Variants in ANKMY1 observed in about 807,000 individuals in gnomAD.
ANKMY1 encodes the protein ankyrin repeat and MYND domain-containing protein 1.
ANKMY1 carries 98 observed loss-of-function variants against 102.0 expected under a neutral mutation model. The ratio of observed to expected loss-of-function variants is 0.96; its 90% CI spans 0.82 to 1.14. The LOEUF is 1.14. Among genes scored for constraint, ANKMY1 ranks in the 50% most tolerant of loss-of-function variants. The pLI is 0.00. For synonymous variants in ANKMY1, 582 were observed against 559.9 expected, an observed-to-expected ratio of 1.04 and a Z score of -0.56; for missense variants, 1,330 against 1,347.6, an observed-to-expected ratio of 0.99 and a Z score of 0.20.
chr2:240,542,662 A>G (rs2089232070), intron 4 of ANKMY1, among the ~76,000 whole-genome samples: 1 of 151,596 alleles, frequency 6.6e-6, no homozygotes, highest in Non-Finnish European at 1.5e-5. Flanking sequence ...GTTCCAAGGT[A>G]AGAGCTATTG....
At chr2:240,488,341 T>C (rs775481092) in intron 15 of ANKMY1, among the ~76,000 whole-genome samples, 4 of 152,212 alleles carry the variant, frequency 2.6e-5, no homozygotes, top group Non-Finnish European at 4.4e-5. Context: ...TGTCTATTTG[T>C]ACATCAGTAC....
Position 240,511,872 on chromosome 2 carries a change from C to A in ANKMY1, c.2275G>T (p.Asp759Tyr), listed in dbSNP as rs768821845. 3.8e-6 allele frequency: 6 copies of A among 1,589,408 alleles called. No homozygotes were observed. In the Admixed American group the frequency reaches 1.0e-4, roughly 27 times the overall value. The change falls in exon 11 of 18, where the codon GAT becomes TAT. Residue 759 changes from aspartate to tyrosine, a missense_variant. Coordinates refer to ENST00000401804, the MANE Select transcript of ANKMY1 (RefSeq NM_001282771.3). The part of the protein sequence containing the change: ...TALHMACERE[D>Y]DNKCARDIVR... ...CTGGCTGCCCTCACCTTGTTGTCAT[C>A]CTCCCGCTCGCAGGCCATGTGCAGA...
chr2:240,474,262 A>ATTTTT, the ANKMY1 span, among the ~76,000 whole-genome samples: 69 of 90,980 alleles, frequency 7.6e-4, 2 homozygotes, highest in Non-Finnish European at 1.2e-3. Context: ...TGCCTGGCTA[A>ATTTTT]TTTTTTTTTT....
rs1048321973 is a variant in ANKMY1, at chr2:240,499,694, G to A, written c.2806+264C>T. 5.9e-5 allele frequency among the ~76,000 whole-genome samples: 9 copies of A among 152,018 alleles called. No homozygotes were observed. The highest frequency in any genetic ancestry group is 1.9e-4 in the African/African-American group (8 of 41,354). ...AGCAGTGCCTAGTTCTCTCCTGGGC[G>A]TGGGGCCCCTCTGACCTGGGCCCTG... On this transcript the variant is annotated intron_variant, in intron 15 of 17. Coordinates refer to ENST00000401804, the MANE Select transcript of ANKMY1 (RefSeq NM_001282771.3). This position sits in a 1 kb window ranked among gnomAD's most constrained non-coding sequence, Gnocchi z 4.2.
chr2:240,529,453 G>C lies in ANKMY1; in HGVS notation c.537C>G (p.Gly179=), dbSNP rs1013105370. The C allele has an allele frequency of 2.5e-6, 4 of 1,614,108 alleles. No individual in the cohort carries two copies. The highest frequency in any genetic ancestry group is 3.4e-6 in the Non-Finnish European group (4 of 1,180,034). The change falls in exon 5 of 18, where the codon GGC becomes GGG. Residue 179 remains glycine, a synonymous_variant. Transcript: ENST00000401804. This position sits in a 1 kb window ranked among gnomAD's most constrained non-coding sequence, Gnocchi z 4.2. ...FGPGVETYPD[G]SQDVGLWFRE... is the part of the protein sequence containing the mutation. ...GGAACCACAGCCCCACGTCCTGGCT[G>C]CCATCGGGGTAGGTCTCGACACCTG...
intron 4 of ANKMY1, among the ~76,000 whole-genome samples, chr2:240,536,294 T>C (rs2086718035): frequency 2.0e-5 from 3 of 152,162 alleles, no homozygotes; most frequent in Non-Finnish European, 1.5e-5. Flanking sequence ...TTTTTTTCTT[T>C]TGGAAAAAAT....
chr2:240,480,278 C>T (rs572150187), intron 17 of ANKMY1, among the ~76,000 whole-genome samples: 29 of 152,318 alleles, frequency 1.9e-4, no homozygotes, highest in African/African-American at 7.0e-4. Context: ...GGGGCAGGGG[C>T]TTTCCCAGAC....
intron 15 of ANKMY1, among the ~76,000 whole-genome samples, chr2:240,487,829 A>G (rs1336329412): frequency 7.2e-5 from 11 of 151,814 alleles, no homozygotes; most frequent in Non-Finnish European, 5.9e-5. Context: ...TAATAGGATT[A>G]TTTTTTCCTG....
chr2:240,501,586 G>T (rs932839258), intron 13 of ANKMY1, among the ~76,000 whole-genome samples: 3 of 152,144 alleles, frequency 2.0e-5, no homozygotes, highest in Middle Eastern at 3.2e-3. Context: ...CAGAAATCAG[G>T]GATACACAAC....
At chr2:240,544,676 C>A (rs549413868) in intron 4 of ANKMY1, among the ~76,000 whole-genome samples, 5 of 151,752 alleles carry the variant, frequency 3.3e-5, no homozygotes, top group African/African-American at 1.2e-4. Context: ...CGAAGCCGGG[C>A]GAGGCATTGC....
intron 4 of ANKMY1, among the ~76,000 whole-genome samples, chr2:240,539,964 C>A (rs2088218030): frequency 6.6e-6 from 1 of 152,182 alleles, no homozygotes; most frequent in Non-Finnish European, 1.5e-5. Context: ...AAATAGAGAC[C>A]AGAAGGCTGA....
At chr2:240,538,063 C>T (rs937387334) in intron 4 of ANKMY1, among the ~76,000 whole-genome samples, 1 of 152,196 alleles carries the variant, frequency 6.6e-6, no homozygotes, top group African/African-American at 2.4e-5. Flanking sequence ...CTCAATTAAA[C>T]TCCTTTAAAT....
At chr2:240,536,325 T>C (rs1471020170) in intron 4 of ANKMY1, among the ~76,000 whole-genome samples, 8 of 151,612 alleles carry the variant, frequency 5.3e-5, no homozygotes, top group Admixed American at 3.3e-4. Context: ...GATAAGAAAA[T>C]AGAATCAAAT....
At chr2:240,521,844 C>G (rs555345509) in intron 8 of ANKMY1, 2 of 152,164 alleles carry the variant, frequency 1.3e-5, no homozygotes, top group African/African-American at 4.8e-5. Context: ...TTCTTCCTTC[C>G]GGTGAGTTCA....
chr2:240,524,284 C>T lies in ANKMY1; in HGVS notation c.1433G>A (p.Gly478Asp). The T allele has an allele frequency of 5.6e-6, 9 of 1,613,786 alleles. No individual in the cohort carries two copies. Among genetic ancestry groups the T allele is most frequent in the Non-Finnish European group, 7.6e-6 (9 of 1,180,032 alleles). ...TGGCGGTGGCCTCAGCTCATAGCTA[C>T]CCTGGGAAGGCACGTTCACCTCATA... ...LYYEVNVPSQ[G>D]SYELRPPPAP... The change falls in exon 8 of 18, where the codon GGT (glycine) becomes GAT (aspartate). Residue 478 changes from glycine to aspartate, a missense_variant. Physicochemically the swap from Gly to Asp is moderately conservative, Grantham distance 94. Transcript: ENST00000401804.
chr2:240,506,175 G>A lies in ANKMY1; in HGVS notation c.2526+1385C>T, dbSNP rs915580020. On this transcript the variant is annotated intron_variant, in intron 13 of 17. Coordinates refer to ENST00000401804, the MANE Select transcript of ANKMY1 (RefSeq NM_001282771.3). The surrounding 1 kb of genome is among the most constrained non-coding windows in gnomAD (Gnocchi z 4.9). The stretch of plus-strand genomic sequence containing the variant: ...GCGCTGGGAGCCCCCAACCCCGGAC[G>A]AAGGACTATTCTGTATGTTCAAGGC... Among the ~76,000 whole-genome samples the A allele has an allele frequency of 4.6e-5, 7 of 152,134 alleles. No homozygotes were observed. The highest frequency in any genetic ancestry group is 7.4e-5 in the Non-Finnish European group (5 of 68,016).
intron 16 of ANKMY1, among the ~76,000 whole-genome samples, chr2:240,481,519 C>T (rs1210058665): frequency 6.6e-6 from 1 of 152,094 alleles, no homozygotes; most frequent in Non-Finnish European, 1.5e-5. Flanking sequence ...GGGTGAAACT[C>T]TAAGCACCAG....
chr2:240,523,780 A>C, intron 8 of ANKMY1, 105 bp downstream of exon 8: 1 of 1,479,786 alleles, frequency 6.8e-7, no homozygotes, highest in Non-Finnish European at 9.0e-7. Context: ...ACATCTCCAG[A>C]CACAACGCCT....
chr2:240,520,181 A>G lies in ANKMY1; in HGVS notation c.2004+181T>C. 1 of 899,586 alleles carries G rather than the reference A, an allele frequency of 1.1e-6. No homozygotes were observed. Among genetic ancestry groups the G allele is most frequent in the South Asian group, 1.4e-5 (1 of 70,482 alleles). 55.7% of individuals were successfully genotyped at this position (899,586 alleles called of 1,614,324 possible). A position where few individuals can be genotyped will look rare whatever the true frequency, so the allele number is the denominator to read the frequency against. On this transcript the variant is annotated intron_variant, in intron 9 of 17. Transcript: ENST00000401804. The surrounding 1 kb of genome is among the most constrained non-coding windows in gnomAD (Gnocchi z 4.8). ...CGGTGTCCAAATCCTGTCTGGGGACATGGGTGAAAGAGCGGGCTGTGGGAC... is the reference window on the plus strand; with the variant it reads ...CGGTGTCCAAATCCTGTCTGGGGACGTGGGTGAAAGAGCGGGCTGTGGGAC...
Sources: gnomAD v4.1 joint callset for allele counts (sites outside exome capture counted in the v4.1 genomes callset) on GRCh38, gnomAD v4.1.1 for gene constraint, Gnocchi (gnomAD v3.1) non-coding constraint, MANE v1.5 for transcripts, NCBI Gene and HGNC (gene_info 2026-07-23, HGNC 2026-07-21) for gene names.